Variants in EPN1 observed in about 807,000 individuals in gnomAD.
EPN1 encodes the protein epsin-1.
EPN1 carries 25 observed loss-of-function variants against 56.9 expected under a neutral mutation model. That is an observed-to-expected ratio of 0.44 (90% CI 0.32 to 0.61). The LOEUF is 0.61. Ranked by LOEUF, EPN1 falls within the 20% of genes least tolerant of loss-of-function variation. The probability of loss-of-function intolerance (pLI) is 0.05; values close to 1 mark genes in which losing one functional copy is unlikely to be tolerated. For synonymous variants in EPN1, 411 were observed against 361.8 expected, an observed-to-expected ratio of 1.14 and a Z score of -1.54; for missense variants, 785 against 823.7, an observed-to-expected ratio of 0.95 and a Z score of 0.58.
chr19:55,679,145 C>T (rs1985635838), intron 2 of EPN1, among the ~76,000 whole-genome samples: 1 of 152,240 alleles, frequency 6.6e-6, no homozygotes, highest in Non-Finnish European at 1.5e-5. Flanking sequence ...ACACCCAGTT[C>T]CTTTCCTCAC....
In EPN1 at chr19:55,694,609, C is replaced by CCGAGG; in HGVS notation, c.1265-115_1265-111dup. ...CGCTCTGCACCTCAGTTCCTCCTTC[C>CCGAGG]CGAGGCCTCTGGGCACCGGGCTCTT... On this transcript the variant is annotated intron_variant, in intron 9 of 10. Transcript: ENST00000270460. This position sits in a 1 kb window ranked among gnomAD's most constrained non-coding sequence, Gnocchi z 4.2. 1 of 1,294,962 alleles carries CCGAGG rather than the reference C, an allele frequency of 7.7e-7. No homozygotes were observed. Among genetic ancestry groups the CCGAGG allele is most frequent in the Non-Finnish European group, 1.0e-6 (1 of 980,310 alleles). 80.2% of individuals were successfully genotyped at this position (1,294,962 alleles called of 1,614,324 possible). A position where few individuals can be genotyped will look rare whatever the true frequency, so the allele number is the denominator to read the frequency against.
intron 9 of EPN1, chr19:55,693,289 C>T (rs1159662427): frequency 6.2e-6 from 3 of 486,250 alleles, no homozygotes; most frequent in Non-Finnish European, 1.1e-5. Flanking sequence ...CGAATGTTGA[C>T]CTCTGACCCG....
In EPN1 at chr19:55,689,795, T is replaced by C. The variant is rs950317579; in HGVS notation, c.679-72T>C. On this transcript the variant is annotated intron_variant, in intron 5 of 10. Transcript: ENST00000270460. The surrounding 1 kb of genome is among the most constrained non-coding windows in gnomAD (Gnocchi z 5.7). The stretch of plus-strand genomic sequence containing the variant: ...TTGGGGTGGGAGGGGTTGCTGGGGC[T>C]TCCAGGCTGAGGTGGCATCTGCCCG... The C allele has an allele frequency of 1.4e-6, 2 of 1,438,266 alleles. No individual in the cohort carries two copies. The highest frequency in any genetic ancestry group is 1.4e-5 in the African/African-American group (1 of 70,864). The allele number at this position is 1,438,266 out of a possible 1,614,324, so 89.1% of individuals were successfully genotyped here.
chr19:55,689,478 C>G lies in EPN1; in HGVS notation c.678+107C>G. On this transcript the variant is annotated intron_variant, in intron 5 of 10. Coordinates refer to ENST00000270460, the MANE Select transcript of EPN1 (RefSeq NM_001130072.2). This position sits in a 1 kb window ranked among gnomAD's most constrained non-coding sequence, Gnocchi z 5.7. ...ACCATCCTGCTGGGCCCGAAGCCCA[C>G]AGGCTCACGCGTGTTGAAACCTCAG... 7.3e-6 allele frequency: 6 copies of G among 823,746 alleles called. No homozygotes were observed. Among genetic ancestry groups the G allele is most frequent in the Non-Finnish European group, 1.0e-5 (5 of 500,500 alleles). 51.0% of individuals were successfully genotyped at this position (823,746 alleles called of 1,614,324 possible).
chr19:55,693,934 G>A (rs1986743083), intron 9 of EPN1, among the ~76,000 whole-genome samples: 1 of 152,140 alleles, frequency 6.6e-6, no homozygotes, highest in Non-Finnish European at 1.5e-5. Context: ...AGGAAAATCA[G>A]GCCAGGCGCA....
At chr19:55,676,582 T>C (rs1461566634) in intron 1 of EPN1, 2 of 153,342 alleles carry the variant, frequency 1.3e-5, no homozygotes, top group Non-Finnish European at 2.9e-5. Flanking sequence ...AGCCAAGCAC[T>C]GCATGTACCC....
At chr19:55,690,069 C>T (rs948375378) in intron 6 of EPN1, 119 bp downstream of exon 6, 3 of 1,003,908 alleles carry the variant, frequency 3.0e-6, no homozygotes, top group Non-Finnish European at 2.9e-6. Flanking sequence ...TGGAGCTGGG[C>T]ACCGGGTTTC....
chr19:55,693,057 T>C lies in EPN1; in HGVS notation c.1264+20T>C. 6.2e-7 allele frequency: 1 copy of C among 1,605,846 alleles called. No homozygotes were observed. Among genetic ancestry groups the C allele is most frequent in the South Asian group, 1.1e-5 (1 of 90,810 alleles). ...GCGCAGGTGAGCCCCTGCCCTCCCC[T>C]GCCCAGTGGCGAGAGGGAGCCTCCC... On this transcript the variant is annotated intron_variant, in intron 9 of 10. Transcript: ENST00000270460.
At chr19:55,677,410 T>G in intron 1 of EPN1, 1 of 660,108 alleles carries the variant, frequency 1.5e-6, no homozygotes, top group Non-Finnish European at 2.7e-6. Flanking sequence ...ACTCTCTTGT[T>G]TCTCGTCACC....
At position 55,695,686 on chromosome 19, in the gene EPN1, A is replaced by C; in HGVS notation, c.*330A>C. ...TTGAGCCTCCTCGTTCCCCTCACGC[A>C]CCCGCTCACGCACCCTCGGTGAATC... is the stretch of plus-strand genomic sequence containing the variant. On this transcript the variant is annotated 3_prime_UTR_variant, in exon 11 of 11. Transcript: ENST00000270460. The surrounding 1 kb of genome is among the most constrained non-coding windows in gnomAD (Gnocchi z 4.4). 1 of 335,518 alleles carries C rather than the reference A, an allele frequency of 3.0e-6. No individual in the cohort carries two copies. The highest frequency in any genetic ancestry group is 6.3e-5 in the South Asian group (1 of 15,804). The allele number at this position is 335,518 out of a possible 1,614,324, so 20.8% of individuals were successfully genotyped here.
At chr19:55,693,227 A>T (rs1012224896) in intron 9 of EPN1, 190 bp downstream of exon 9, 12 of 564,146 alleles carry the variant, frequency 2.1e-5, no homozygotes, top group Non-Finnish European at 3.8e-5. Flanking sequence ...TTTATTTTAG[A>T]GAAATTGCAG....
intron 2 of EPN1, among the ~76,000 whole-genome samples, chr19:55,682,827 G>A (rs1985907318): frequency 6.8e-6 from 1 of 146,298 alleles, no homozygotes; most frequent in African/African-American, 2.7e-5. Context: ...CACCACCTCG[G>A]CTCACTGCAA....
intron 2 of EPN1, among the ~76,000 whole-genome samples, 155 bp from the exon 3 acceptor site, chr19:55,685,241 C>T (rs142005874): frequency 3.3e-5 from 5 of 152,380 alleles, no homozygotes; most frequent in South Asian, 2.1e-4. Context: ...ATGGCCGTGT[C>T]GTATTCTGTG....
chr19:55,695,305 C>A lies in EPN1; in HGVS notation c.1680C>A (p.Pro560=), dbSNP rs1986853223. The change falls in exon 11 of 11, where the codon CCC becomes CCA. Residue 560 remains proline, a synonymous_variant. Transcript: ENST00000270460. This position sits in a 1 kb window ranked among gnomAD's most constrained non-coding sequence, Gnocchi z 4.4. ...TTGGCGGGGGCCCTGGCCTGCCCCC[C>A]ATGATGCCCCCGGGCCCCCCGGCCC... is the stretch of plus-strand genomic sequence containing the variant. ...SPLGGGPGLP[P]MMPPGPPAPN... 1 of 1,564,098 alleles carries A rather than the reference C, an allele frequency of 6.4e-7. No individual in the cohort carries two copies. Among genetic ancestry groups the A allele is most frequent in the South Asian group, 1.2e-5 (1 of 86,160 alleles).
intron 2 of EPN1, among the ~76,000 whole-genome samples, chr19:55,682,094 C>G (rs1315934446): frequency 2.0e-5 from 3 of 152,194 alleles, no homozygotes; most frequent in Non-Finnish European, 2.9e-5. Context: ...TCATGAGCCA[C>G]TACACCTGGC....
Position 55,702,078 on chromosome 19 carries a change from C to T in EPN1, c.*6722C>T, listed in dbSNP as rs1188769330. The stretch of plus-strand genomic sequence containing the variant: ...CCAGGTTCAAGCAATTCTCGTGCCT[C>T]AGCCTCCCGCGTAGTCGGGATTACA... On this transcript the variant is annotated 3_prime_UTR_variant, in exon 11 of 11. Coordinates refer to ENST00000270460, the MANE Select transcript of EPN1 (RefSeq NM_001130072.2). The T allele has an allele frequency of 6.6e-6, 1 of 151,606 alleles. No homozygotes were observed. The highest frequency in any genetic ancestry group is 1.5e-5 in the Non-Finnish European group (1 of 68,202). The allele number at this position is 151,606 out of a possible 1,614,324, so 9.4% of individuals were successfully genotyped here.
chr19:55,687,088 C>T lies in EPN1; in HGVS notation c.478+1443C>T, dbSNP rs545709885. On this transcript the variant is annotated intron_variant, in intron 3 of 10. Coordinates refer to ENST00000270460, the MANE Select transcript of EPN1 (RefSeq NM_001130072.2). ...AAATTTGAATTTTATGTAGTTTTCA[C>T]GTGTCTTTTTTAAGACTTTTAAGTT... 1.8e-4 allele frequency among the ~76,000 whole-genome samples: 28 copies of T among 152,328 alleles called. No individual in the cohort carries two copies. The East Asian group carries it at 3.7e-3, about 20-fold the overall frequency.
At position 55,701,471 on chromosome 19, in the gene EPN1, C is replaced by T. The variant is rs533504084; in HGVS notation, c.*6115C>T. ...CTCCAAAAAAAAAAAAAAAATGATACTGTTTCCTGTATTTTTTTCTCTTAG... is the reference window on the plus strand; with the variant it reads ...CTCCAAAAAAAAAAAAAAAATGATATTGTTTCCTGTATTTTTTTCTCTTAG... On this transcript the variant is annotated 3_prime_UTR_variant, in exon 11 of 11. Coordinates refer to ENST00000270460, the MANE Select transcript of EPN1 (RefSeq NM_001130072.2). The T allele has an allele frequency of 1.3e-5, 2 of 151,200 alleles. No homozygotes were observed. Among genetic ancestry groups the T allele is most frequent in the South Asian group, 2.1e-4 (1 of 4,784 alleles). The allele number at this position is 151,200 out of a possible 1,614,324, so 9.4% of individuals were successfully genotyped here.
At chr19:55,677,258 A>T in intron 1 of EPN1, 1 of 1,157,726 alleles carries the variant, frequency 8.6e-7, no homozygotes, top group Non-Finnish European at 1.3e-6. Context: ...TCTGTGTCTC[A>T]GTTTCCACCC....
Sources: gnomAD v4.1 joint callset for allele counts (sites outside exome capture counted in the v4.1 genomes callset) on GRCh38, gnomAD v4.1.1 for gene constraint, Gnocchi (gnomAD v3.1) non-coding constraint, MANE v1.5 for transcripts, NCBI Gene and HGNC (gene_info 2026-07-23, HGNC 2026-07-21) for gene names.